The following TLR2 variants were observed in gnomAD, a reference collection of about 807,000 sequenced individuals.
The protein encoded by TLR2 is toll like receptor 2, also known as toll-like receptor 2.
TLR2 carries 7 observed loss-of-function variants against 9.1 expected under a neutral mutation model. The ratio of observed to expected loss-of-function variants is 0.77; its 90% CI spans 0.44 to 1.44. TLR2 has a LOEUF of 1.44. Ranked by LOEUF, TLR2 falls within the 40% of genes most tolerant of loss-of-function variation. TLR2 has a pLI of 0.01. For missense variants in TLR2, 812 were observed against 904.6 expected (o/e 0.90, Z 1.31); for synonymous variants, 317 against 344.6 (o/e 0.92, Z 0.89).
At chr4:153,695,794 T>C (rs768077689) in intron 2 of TLR2, among the ~76,000 whole-genome samples, 6 of 152,230 alleles carry the variant, frequency 3.9e-5, no homozygotes, top group Non-Finnish European at 5.9e-5. Flanking sequence ...TTTCTTTTAA[T>C]AGTTTCATAG....
At chr4:153,695,919 G>A (rs1020111560) in intron 2 of TLR2, among the ~76,000 whole-genome samples, 17 of 152,108 alleles carry the variant, frequency 1.1e-4, no homozygotes, top group African/African-American at 3.6e-4. Context: ...AGTACCATTT[G>A]TTGAAGAGAC....
At chr4:153,702,731 T>G in intron 2 of TLR2, 161 bp from the exon 3 acceptor site, 1 of 658,900 alleles carries the variant, frequency 1.5e-6, no homozygotes, top group Middle Eastern at 4.2e-4. Context: ...ATTCATTCGT[T>G]CCATTCATCT....
chr4:153,704,917 C>G lies in TLR2; in HGVS notation c.2010C>G (p.Phe670Leu). ...VQELENFNPPFKLCLHKRDFI... is the reference protein window; with the variant it reads ...VQELENFNPPLKLCLHKRDFI... ...AGCTGGAGAACTTCAATCCCCCCTT[C>G]AAGTTGTGTCTTCATAAGCGGGACT... The change falls in exon 3 of 3, where the codon TTC becomes TTG. Residue 670 changes from phenylalanine to leucine, a missense_variant. Coordinates refer to ENST00000642700, the MANE Select transcript of TLR2 (RefSeq NM_001318789.2). 6.2e-7 allele frequency: 1 copy of G among 1,613,346 alleles called. No individual in the cohort carries two copies. The highest frequency in any genetic ancestry group is 8.5e-7 in the Non-Finnish European group (1 of 1,180,028).
intron 2 of TLR2, among the ~76,000 whole-genome samples, chr4:153,696,299 T>TTCCAA (rs1736491311): frequency 6.6e-6 from 1 of 152,226 alleles, no homozygotes; most frequent in Non-Finnish European, 1.5e-5. Context: ...ATATTGATTT[T>TTCCAA]TCCAATCCAT....
intron 2 of TLR2, among the ~76,000 whole-genome samples, chr4:153,693,402 G>A (rs540024442): frequency 1.5e-3 from 224 of 152,226 alleles, no homozygotes; most frequent in African/African-American, 5.2e-3. Context: ...GTTGATCTAC[G>A]GGGTATATTC....
At position 153,703,546 on chromosome 4, in the gene TLR2, G is replaced by T; in HGVS notation, c.639G>T (p.Leu213=). The T allele has an allele frequency of 2.5e-6, 4 of 1,614,100 alleles. No individual in the cohort carries two copies. Among genetic ancestry groups the T allele is most frequent in the Non-Finnish European group, 3.4e-6 (4 of 1,180,030 alleles). The change falls in exon 3 of 3, where the codon CTG becomes CTT. Residue 213 remains leucine (L), a synonymous_variant. Coordinates refer to ENST00000642700, the MANE Select transcript of TLR2 (RefSeq NM_001318789.2). ...LILHMKQHIL[L]LEIFVDVTSS... ...TTCATATGAAGCAGCATATTTTACT[G>T]CTGGAGATTTTTGTAGATGTTACAA...
At chr4:153,689,396 A>G (rs905375408) in intron 2 of TLR2, among the ~76,000 whole-genome samples, 1 of 152,226 alleles carries the variant, frequency 6.6e-6, no homozygotes, top group Non-Finnish European at 1.5e-5. Context: ...CCAGCTAAAC[A>G]TAGTGTGGCC....
Position 153,702,757 on chromosome 4 carries a change from TC to T in TLR2, c.-16-134del, listed in dbSNP as rs1318505347. On this transcript the variant is annotated intron_variant, in intron 2 of 2. Coordinates refer to ENST00000642700, the MANE Select transcript of TLR2 (RefSeq NM_001318789.2). ...CCATTCATCTGTTTCTCTCTCTCTC[TC>T]TCTTTGTGTGTGTGTGTGTGTGTGT... 1.6e-4 allele frequency: 110 copies of T among 688,140 alleles called. 1 individual carries two copies. Among genetic ancestry groups the T allele is most frequent in the South Asian group, 6.7e-4 (31 of 46,268 alleles). The allele number at this position is 688,140 out of a possible 1,614,324, so 42.6% of individuals were successfully genotyped here. A position where few individuals can be genotyped will look rare whatever the true frequency, so the allele number is the denominator to read the frequency against.
At chr4:153,684,650 G>A (rs1016251709) in intron 1 of TLR2, among the ~76,000 whole-genome samples, 5 of 152,216 alleles carry the variant, frequency 3.3e-5, no homozygotes, top group South Asian at 2.1e-4. Flanking sequence ...AAGGGAGCCC[G>A]AGGGTCCTGC....
intron 1 of TLR2, among the ~76,000 whole-genome samples, chr4:153,687,598 T>C (rs75998011): frequency 4.1e-5 from 6 of 147,754 alleles, no homozygotes; most frequent in African/African-American, 7.5e-5. Flanking sequence ...ACTTAGGAGC[T>C]TTTTTTTTGT....
chr4:153,709,871 C>T (rs1188640229), downstream of TLR2, among the ~76,000 whole-genome samples: 2 of 152,182 alleles, frequency 1.3e-5, no homozygotes, highest in African/African-American at 4.8e-5. Context: ...TTGGGAGTAA[C>T]CCACTTTCTA....
intron 2 of TLR2, among the ~76,000 whole-genome samples, chr4:153,699,928 G>A (rs565252138): frequency 6.6e-6 from 1 of 152,288 alleles, no homozygotes; most frequent in East Asian, 1.9e-4. Context: ...GGGAATACCT[G>A]AAGCTGGGTA....
intron 2 of TLR2, chr4:153,702,645 T>G (rs1319344629): frequency 2.5e-6 from 1 of 400,420 alleles, no homozygotes; most frequent in Non-Finnish European, 4.5e-6. Context: ...ATGGTTGTGC[T>G]TTTAAGTACT....
In TLR2 at chr4:153,704,669, A is replaced by G; in HGVS notation, c.1762A>G (p.Thr588Ala). Residue 588 changes from threonine to alanine, a missense_variant, in exon 3 of 3, where the codon ACA (threonine) becomes GCA (alanine). Transcript: ENST00000642700. ...CCTCTCGGTGTCGGAATGTCACAGGACAGCACTGGTGTCTGGCATGTGCTG... is the reference window on the plus strand; with the variant it reads ...CCTCTCGGTGTCGGAATGTCACAGGGCAGCACTGGTGTCTGGCATGTGCTG... The part of the protein sequence containing the change: ...VRLSVSECHR[T>A]ALVSGMCCAL... The G allele has an allele frequency of 6.2e-7, 1 of 1,613,210 alleles. No individual in the cohort carries two copies. Among genetic ancestry groups the G allele is most frequent in the Non-Finnish European group, 8.5e-7 (1 of 1,179,836 alleles).
intron 2 of TLR2, among the ~76,000 whole-genome samples, chr4:153,691,814 T>C (rs1736139022): frequency 6.6e-6 from 1 of 152,128 alleles, no homozygotes; most frequent in Non-Finnish European, 1.5e-5. Flanking sequence ...TGTGGCACAA[T>C]GGTAGTGTCA....
At chr4:153,699,504 C>T (rs891876641) in intron 2 of TLR2, among the ~76,000 whole-genome samples, 2 of 152,202 alleles carry the variant, frequency 1.3e-5, no homozygotes, top group African/African-American at 2.4e-5. Context: ...ACATTAGCTA[C>T]TACAGCTCAC....
chr4:153,685,336 G>A (rs914603220), intron 1 of TLR2, among the ~76,000 whole-genome samples: 1 of 152,186 alleles, frequency 6.6e-6, no homozygotes, highest in Admixed American at 6.5e-5. Context: ...GAAAGAGAGA[G>A]AAAGAGGTGA....
Position 153,703,820 on chromosome 4 carries a change from G to T in TLR2, c.913G>T (p.Asp305Tyr). Residue 305 changes from aspartate to tyrosine, a missense_variant, in exon 3 of 3, where the codon GAT becomes TAT. Coordinates refer to ENST00000642700, the MANE Select transcript of TLR2 (RefSeq NM_001318789.2). ...AGCATCTGATAATGACAGAGTTATA[G>T]ATCCAGGTAAAGTGGAAACGTTAAC... ...FRASDNDRVI[D>Y]PGKVETLTIR... The T allele has an allele frequency of 6.2e-7, 1 of 1,614,014 alleles. No individual in the cohort carries two copies. The highest frequency in any genetic ancestry group is 8.5e-7 in the Non-Finnish European group (1 of 1,179,980).
At chr4:153,689,684 A>T (rs1178410013) in intron 2 of TLR2, among the ~76,000 whole-genome samples, 3 of 152,226 alleles carry the variant, frequency 2.0e-5, no homozygotes, top group Non-Finnish European at 2.9e-5. Context: ...TCCAGGCATT[A>T]TTGCCAGCCA....
Sources: gnomAD v4.1 joint callset for allele counts (sites outside exome capture counted in the v4.1 genomes callset) on GRCh38, gnomAD v4.1.1 for gene constraint, MANE v1.5 for transcripts, NCBI Gene and HGNC (gene_info 2026-07-23, HGNC 2026-07-21) for gene names.